SCFD2: variants seen among roughly 807,000 people sequenced by gnomAD.
SCFD2 encodes sec1 family domain containing 2, also known as sec1 family domain-containing protein 2.
In SCFD2, 54 loss-of-function variants were observed where a neutral mutation model predicts 58.9. The ratio of observed to expected loss-of-function variants is 0.92; its 90% CI spans 0.74 to 1.15. The LOEUF is 1.15. Among genes scored for constraint, SCFD2 ranks in the 50% most tolerant of loss-of-function variants. The probability of loss-of-function intolerance (pLI) is 0.00; values close to 1 mark genes in which losing one functional copy is unlikely to be tolerated. For missense variants in SCFD2, 805 were observed against 836.6 expected, an observed-to-expected ratio of 0.96 and a Z score of 0.47; for synonymous variants, 321 against 335.9, an observed-to-expected ratio of 0.96 and a Z score of 0.49.
chr4:52,898,471 G>C (rs1719086712), intron 7 of SCFD2, among the ~76,000 whole-genome samples: 1 of 152,208 alleles, frequency 6.6e-6, no homozygotes, highest in Admixed American at 6.5e-5. Flanking sequence ...TTTTGAGTGA[G>C]TTTCTTAATC....
intron 4 of SCFD2, among the ~76,000 whole-genome samples, chr4:53,241,097 G>A (rs1163630051): frequency 6.6e-6 from 1 of 152,232 alleles, no homozygotes; most frequent in Non-Finnish European, 1.5e-5. Flanking sequence ...AACTCCTGCA[G>A]AAGAGGTGAG....
intron 5 of SCFD2, chr4:52,955,928 G>T (rs1392826227): frequency 2.6e-6 from 1 of 384,474 alleles, no homozygotes; most frequent in African/African-American, 2.1e-5. Flanking sequence ...ACTTCCTAAG[G>T]ACAGAAGATA....
chr4:52,915,869 A>C (rs1238866107), intron 6 of SCFD2, among the ~76,000 whole-genome samples: 1 of 152,220 alleles, frequency 6.6e-6, no homozygotes, highest in Admixed American at 6.5e-5. Flanking sequence ...TTGGAAAAGA[A>C]CAACTGGAGG....
chr4:52,876,974 AT>A (rs1365902211), intron 8 of SCFD2, among the ~76,000 whole-genome samples: 9 of 152,052 alleles, frequency 5.9e-5, no homozygotes, highest in Non-Finnish European at 1.3e-4. Flanking sequence ...AAGACGGTGG[AT>A]TCCTCTCTGG....
intron 3 of SCFD2, among the ~76,000 whole-genome samples, chr4:53,303,918 C>G (rs1202199335): frequency 7.5e-6 from 1 of 132,954 alleles, no homozygotes. Flanking sequence ...CACATGGACA[C>G]AGGAAGGGGA....
chr4:52,929,937 G>A (rs1390650684), intron 5 of SCFD2, among the ~76,000 whole-genome samples: 1 of 152,118 alleles, frequency 6.6e-6, no homozygotes, highest in African/African-American at 2.4e-5. Flanking sequence ...ATATTCCAAA[G>A]TAATTTATAG....
intron 5 of SCFD2, among the ~76,000 whole-genome samples, chr4:52,986,841 A>G (rs1721508333): frequency 6.6e-6 from 1 of 151,886 alleles, no homozygotes; most frequent in Non-Finnish European, 1.5e-5. Context: ...AAATTTCTAG[A>G]CTACAAGAAA....
intron 5 of SCFD2, among the ~76,000 whole-genome samples, chr4:53,129,731 A>G (rs1220486734): frequency 6.6e-6 from 1 of 152,228 alleles, no homozygotes; most frequent in African/African-American, 2.4e-5. Context: ...TGTGGGACAT[A>G]AATTCAGCAC....
At chr4:53,215,332 G>A (rs1204513510) in intron 4 of SCFD2, among the ~76,000 whole-genome samples, 1 of 152,076 alleles carries the variant, frequency 6.6e-6, no homozygotes, top group African/African-American at 2.4e-5. Context: ...ATTTCATTGA[G>A]CAGTGGTTTG....
At chr4:53,207,302 C>T (rs1225754229) in intron 4 of SCFD2, among the ~76,000 whole-genome samples, 1 of 134,016 alleles carries the variant, frequency 7.5e-6, no homozygotes, top group African/African-American at 2.8e-5. Context: ...GAATGTAATA[C>T]ATTTTTGCTA....
chr4:53,222,941 A>G (rs1182136250), intron 4 of SCFD2, among the ~76,000 whole-genome samples: 1 of 152,128 alleles, frequency 6.6e-6, no homozygotes, highest in African/African-American at 2.4e-5. Flanking sequence ...AGTCCCTCCA[A>G]GGAAGTTTTG....
At chr4:53,113,717 C>A (rs1225359152) in intron 5 of SCFD2, among the ~76,000 whole-genome samples, 2 of 152,064 alleles carry the variant, frequency 1.3e-5, no homozygotes, top group African/African-American at 4.8e-5. Context: ...TAGCACCCAG[C>A]ACACTACCTG....
At chr4:53,166,128 T>C (rs1409668756) in intron 4 of SCFD2, among the ~76,000 whole-genome samples, 1 of 152,226 alleles carries the variant, frequency 6.6e-6, no homozygotes, top group Non-Finnish European at 1.5e-5. Context: ...GGCTGAATAA[T>C]ATTCCACTGT....
At chr4:53,214,336 T>C (rs1198929436) in intron 4 of SCFD2, among the ~76,000 whole-genome samples, 1 of 152,138 alleles carries the variant, frequency 6.6e-6, no homozygotes, top group Non-Finnish European at 1.5e-5. Context: ...GACTTTTTGA[T>C]GATCGCCATT....
intron 3 of SCFD2, among the ~76,000 whole-genome samples, chr4:53,283,536 T>C (rs1439428647): frequency 6.6e-6 from 1 of 152,120 alleles, no homozygotes; most frequent in Non-Finnish European, 1.5e-5. Flanking sequence ...TTTTCCATGG[T>C]TGTACCAATA....
chr4:53,187,837 T>G (rs952489875), intron 4 of SCFD2, among the ~76,000 whole-genome samples: 5 of 152,156 alleles, frequency 3.3e-5, no homozygotes, highest in Non-Finnish European at 7.4e-5. Context: ...CATAACATTT[T>G]CTAAATTCTT....
chr4:53,099,577 G>T (rs1724769527), intron 5 of SCFD2, among the ~76,000 whole-genome samples: 1 of 152,176 alleles, frequency 6.6e-6, no homozygotes, highest in South Asian at 2.1e-4. Context: ...TTCCATTCAT[G>T]GTGGAAGGTG....
chr4:53,327,869 G>A (rs1452688483), intron 2 of SCFD2, among the ~76,000 whole-genome samples: 5 of 152,236 alleles, frequency 3.3e-5, no homozygotes, highest in Non-Finnish European at 4.4e-5. Flanking sequence ...AAGATCGGCC[G>A]GGTGCAGTGG....
intron 3 of SCFD2, among the ~76,000 whole-genome samples, chr4:53,283,023 T>A (rs1170922256): frequency 6.6e-6 from 1 of 152,202 alleles, no homozygotes; most frequent in Non-Finnish European, 1.5e-5. Flanking sequence ...TAGAGGTGGA[T>A]AGTGAGGAGT....
Sources: gnomAD v4.1 joint callset for allele counts (sites outside exome capture counted in the v4.1 genomes callset) on GRCh38, gnomAD v4.1.1 for gene constraint, MANE v1.5 for transcripts, NCBI Gene and HGNC (gene_info 2026-07-23, HGNC 2026-07-21) for gene names.